The following TMEM65 variants were observed in gnomAD, a reference collection of about 807,000 sequenced individuals.
The protein encoded by TMEM65 is transmembrane protein 65.
In TMEM65, 22 loss-of-function variants were observed where a neutral mutation model predicts 25.4. That is an observed-to-expected ratio of 0.86 (90% CI 0.62 to 1.23). The LOEUF is 1.23. TMEM65 is among the 50% of genes most tolerant of loss of function. The pLI, the probability that TMEM65 is intolerant of heterozygous loss-of-function variation, is 0.00. For synonymous variants in TMEM65, 132 were observed against 126.2 expected (o/e 1.05, Z -0.31); for missense variants, 262 against 308.2 (o/e 0.85, Z 1.12).
chr8:124,332,610 G>A (rs1187926285), intron 1 of TMEM65, among the ~76,000 whole-genome samples: 1 of 151,970 alleles, frequency 6.6e-6, no homozygotes, highest in Non-Finnish European at 1.5e-5. Context: ...AATAACAAAT[G>A]TTAAGAGAAA....
At chr8:124,318,572 C>A (rs995038846) in intron 6 of TMEM65, among the ~76,000 whole-genome samples, 1 of 151,782 alleles carries the variant, frequency 6.6e-6, no homozygotes, top group East Asian at 1.9e-4. Context: ...GACAGGGTTT[C>A]ACCATGCTGA....
chr8:124,339,442 C>T (rs1362063899), intron 1 of TMEM65, among the ~76,000 whole-genome samples: 1 of 151,516 alleles, frequency 6.6e-6, no homozygotes, highest in Non-Finnish European at 1.5e-5. Context: ...ATGAAGCTCT[C>T]TGAACCTTTT....
intron 3 of TMEM65, 94 bp downstream of exon 3, chr8:124,327,260 A>T: frequency 1.2e-6 from 1 of 831,308 alleles, no homozygotes; most frequent in Non-Finnish European, 1.9e-6. Context: ...TTATGATATT[A>T]AAACTTTATA....
chr8:124,321,076 C>T (rs1216989149), intron 5 of TMEM65, among the ~76,000 whole-genome samples: 1 of 152,040 alleles, frequency 6.6e-6, no homozygotes, highest in Non-Finnish European at 1.5e-5. Flanking sequence ...ATGTTGGAAA[C>T]TGGGAATAGA....
At chr8:124,354,674 G>A (rs1189917351) in intron 1 of TMEM65, among the ~76,000 whole-genome samples, 2 of 152,074 alleles carry the variant, frequency 1.3e-5, no homozygotes, top group Non-Finnish European at 2.9e-5. Flanking sequence ...AACTCCCTAC[G>A]GTGTTAGCTG....
At chr8:124,345,721 A>G (rs149840187) in intron 1 of TMEM65, among the ~76,000 whole-genome samples, 4,312 of 144,066 alleles carry the variant, frequency 0.03, 223 homozygotes, top group African/African-American at 0.1. Context: ...TAATTTATAA[A>G]GAAAGGAGGT....
chr8:124,330,392 T>C (rs1465047042), intron 2 of TMEM65, among the ~76,000 whole-genome samples: 1 of 151,918 alleles, frequency 6.6e-6, no homozygotes, highest in African/African-American at 2.4e-5. Context: ...CAGTTGTATC[T>C]CGCCTTGGGC....
chr8:124,359,118 T>G (rs1288037218), intron 1 of TMEM65, among the ~76,000 whole-genome samples: 1 of 152,182 alleles, frequency 6.6e-6, no homozygotes, highest in Admixed American at 6.5e-5. Flanking sequence ...TTTTGGAAAT[T>G]CAGAGGAATT....
chr8:124,360,146 C>A (rs1814840694), intron 1 of TMEM65, among the ~76,000 whole-genome samples: 1 of 151,900 alleles, frequency 6.6e-6, no homozygotes, highest in Admixed American at 6.6e-5. Context: ...AAAAAAAAAT[C>A]TCGGCCAGGC....
chr8:124,323,452 A>G, intron 3 of TMEM65, 77 bp from the exon 4 acceptor site: 1 of 777,810 alleles, frequency 1.3e-6, no homozygotes, highest in South Asian at 1.9e-5. Flanking sequence ...ATTAATAAAA[A>G]CAGATACAAG....
At chr8:124,338,273 T>C (rs1463789705) in intron 1 of TMEM65, among the ~76,000 whole-genome samples, 1 of 152,148 alleles carries the variant, frequency 6.6e-6, no homozygotes, top group Non-Finnish European at 1.5e-5. Context: ...TAGATATTTG[T>C]TACTTTTCAT....
In TMEM65 at chr8:124,371,914, TG is replaced by T; in HGVS notation, c.243del (p.Thr82ArgfsTer33). 1 of 1,546,350 alleles carries T rather than the reference TG, an allele frequency of 6.5e-7. No individual in the cohort carries two copies. Reference protein sequence around the residue: ...GARDFIYSLHSTERSCLLKEL... With the variant: ...GARDFIYSLHXTERSCLLKEL... ...TCTTTGAGCAGGCAGCTCCTCTCCG[TG>T]GAGTGCAGGCTGTAGATGAAGTCGC... On this transcript the variant is annotated frameshift_variant, in exon 1 of 7. Transcript: ENST00000297632. LOFTEE classifies it high-confidence loss of function.
Position 124,311,404 on chromosome 8 carries a change from C to G in TMEM65, c.*2556G>C, listed in dbSNP as rs1170640301. 1 of 152,514 alleles carries G rather than the reference C, an allele frequency of 6.6e-6. No homozygotes were observed. Among genetic ancestry groups the G allele is most frequent in the African/African-American group, 2.4e-5 (1 of 41,406 alleles). The allele number at this position is 152,514 out of a possible 1,614,324, so 9.4% of individuals were successfully genotyped here. A position where few individuals can be genotyped will look rare whatever the true frequency, so the allele number is the denominator to read the frequency against. ...CACATTCCAAATTTCTTAAAAGATA[C>G]TTTTTTTGTTCAATTCCTTTGTAAA... On this transcript the variant is annotated 3_prime_UTR_variant, in exon 7 of 7. Transcript: ENST00000297632.
intron 1 of TMEM65, among the ~76,000 whole-genome samples, chr8:124,347,353 C>T (rs1328297315): frequency 6.6e-6 from 1 of 152,074 alleles, no homozygotes; most frequent in African/African-American, 2.4e-5. Flanking sequence ...GTAATTACTG[C>T]AACATATACC....
At chr8:124,330,857 A>G in intron 1 of TMEM65, 65 bp from the exon 2 acceptor site, 1 of 1,389,408 alleles carries the variant, frequency 7.2e-7, no homozygotes, top group Non-Finnish European at 9.9e-7. Flanking sequence ...TTTTATTACA[A>G]TGAAGAAAAT....
intron 5 of TMEM65, among the ~76,000 whole-genome samples, chr8:124,321,130 G>A (rs906490617): frequency 2.2e-4 from 33 of 152,152 alleles, no homozygotes; most frequent in African/African-American, 7.7e-4. Flanking sequence ...CCAGGAATTC[G>A]AAGAATATAA....
At chr8:124,363,278 A>G (rs1398505538) in intron 1 of TMEM65, among the ~76,000 whole-genome samples, 2 of 152,214 alleles carry the variant, frequency 1.3e-5, no homozygotes, top group African/African-American at 2.4e-5. Flanking sequence ...TCTTTGAGTT[A>G]TAGTTTATGG....
At chr8:124,319,976 A>T (rs1814284568) in intron 6 of TMEM65, 110 bp downstream of exon 6, 2 of 759,958 alleles carry the variant, frequency 2.6e-6, no homozygotes, top group Non-Finnish European at 2.1e-6. Context: ...AATTTTTGTT[A>T]AAAACTCCAT....
At chr8:124,355,144 T>A (rs1453140388) in intron 1 of TMEM65, among the ~76,000 whole-genome samples, 1 of 152,142 alleles carries the variant, frequency 6.6e-6, no homozygotes, top group Non-Finnish European at 1.5e-5. Flanking sequence ...AACACATCTC[T>A]TACACGGCAT....
Sources: allele counts gnomAD v4.1 joint callset (sites outside exome capture counted in the v4.1 genomes callset), GRCh38; gene constraint gnomAD v4.1.1; transcripts MANE v1.5; gene names NCBI Gene and HGNC (gene_info 2026-07-23, HGNC 2026-07-21).